The following BCR variants were observed in gnomAD, a reference collection of about 807,000 sequenced individuals.
BCR encodes the protein breakpoint cluster region protein.
BCR carries 58 observed loss-of-function variants against 138.6 expected under a neutral mutation model. The ratio of observed to expected loss-of-function variants is 0.42; its 90% CI spans 0.34 to 0.52. BCR has a LOEUF of 0.52. BCR is among the 20% of genes least tolerant of loss of function. The probability of loss-of-function intolerance (pLI) is 0.06; values close to 1 mark genes in which losing one functional copy is unlikely to be tolerated. For synonymous variants in BCR, 786 were observed against 730.1 expected (o/e 1.08, Z -1.23); for missense variants, 1,599 against 1,727.2 (o/e 0.93, Z 1.32).
intron 17 of BCR, chr22:23,309,967 C>T (rs1395054495): frequency 2.6e-6 from 1 of 382,326 alleles, no homozygotes; most frequent in Non-Finnish European, 4.9e-6. Flanking sequence ...GCACAGTGCA[C>T]CTATAGTCTC....
At chr22:23,282,201 C>T (rs2073654079) in intron 8 of BCR, among the ~76,000 whole-genome samples, 1 of 152,238 alleles carries the variant, frequency 6.6e-6, no homozygotes, top group African/African-American at 2.4e-5. Flanking sequence ...CTGGTCCCCA[C>T]TGCAGACCCA....
intron 14 of BCR, chr22:23,290,656 C>T: frequency 1.9e-6 from 1 of 520,134 alleles, no homozygotes; most frequent in Admixed American, 3.2e-5. Context: ...TGGTGAGCTG[C>T]CCCCTGCAGG....
chr22:23,231,794 C>G (rs140755149), intron 1 of BCR, among the ~76,000 whole-genome samples: 1 of 152,238 alleles, frequency 6.6e-6, no homozygotes, highest in East Asian at 1.9e-4. Context: ...CCCGTGCCTA[C>G]GCCCAACCTT....
intron 1 of BCR, among the ~76,000 whole-genome samples, chr22:23,196,112 T>C (rs763871336): frequency 6.6e-6 from 1 of 152,226 alleles, no homozygotes; most frequent in Non-Finnish European, 1.5e-5. Context: ...TACTCTAAAA[T>C]GTACCATCTC....
intron 16 of BCR, among the ~76,000 whole-genome samples, chr22:23,301,174 C>A (rs1273340256): frequency 2.6e-5 from 4 of 152,252 alleles, no homozygotes; most frequent in African/African-American, 9.6e-5. Flanking sequence ...GGCGCGATGG[C>A]GCATGCCTGT....
At chr22:23,228,628 A>G (rs1002070040) in intron 1 of BCR, among the ~76,000 whole-genome samples, 2 of 152,124 alleles carry the variant, frequency 1.3e-5, no homozygotes, top group African/African-American at 2.4e-5. Flanking sequence ...TTTTCATTGG[A>G]TATAACATTC....
chr22:23,207,722 C>T (rs1194347215), intron 1 of BCR, among the ~76,000 whole-genome samples: 1 of 152,212 alleles, frequency 6.6e-6, no homozygotes, highest in East Asian at 1.9e-4. Context: ...AAGAGCCTAA[C>T]AGCCTGGCCT....
At position 23,252,200 on chromosome 22, in the gene BCR, C is replaced by T. The variant is rs116299674; in HGVS notation, c.1280-1599C>T. ...GTCTATGACTCAGCCAGAAGCTGGG[C>T]CAGACTGGGGGATGGGGGAACCTGT... On this transcript the variant is annotated intron_variant, in intron 1 of 22. Transcript: ENST00000305877. Among the ~76,000 whole-genome samples, 345 of 152,222 alleles carry T rather than the reference C, an allele frequency of 2.3e-3. 2 individuals carry two copies. The highest frequency in any genetic ancestry group is 7.9e-3 in the African/African-American group (329 of 41,536).
intron 1 of BCR, among the ~76,000 whole-genome samples, chr22:23,248,229 A>T (rs1383362847): frequency 6.6e-6 from 1 of 152,078 alleles, no homozygotes; most frequent in African/African-American, 2.4e-5. Context: ...TTGTAATCAC[A>T]GCTACTTGGG....
intron 1 of BCR, among the ~76,000 whole-genome samples, chr22:23,200,558 TA>T (rs992412104): frequency 2.0e-5 from 3 of 151,672 alleles, no homozygotes; most frequent in East Asian, 3.9e-4. Flanking sequence ...TTTTTTTAAT[TA>T]AAAAAAAATT....
At chr22:23,200,324 T>TTATTTATTTA (rs951951791) in intron 1 of BCR, among the ~76,000 whole-genome samples, 4 of 151,966 alleles carry the variant, frequency 2.6e-5, no homozygotes, top group Admixed American at 6.6e-5. Context: ...GGCTTTTTAT[T>TTATTTATTTA]TATTTATTTA....
At chr22:23,239,049 A>G (rs1183477024) in intron 1 of BCR, among the ~76,000 whole-genome samples, 5 of 152,134 alleles carry the variant, frequency 3.3e-5, no homozygotes, top group Non-Finnish European at 7.4e-5. Flanking sequence ...GTCTGTCTCC[A>G]GCGTTGGGCT....
At chr22:23,242,797 CA>C (rs1379787152) in intron 1 of BCR, 2 of 449,002 alleles carry the variant, frequency 4.5e-6, no homozygotes, top group Non-Finnish European at 4.5e-6. Context: ...CTTACAACAA[CA>C]AACATTTATT....
At position 23,317,146 on chromosome 22, in the gene BCR, C is replaced by T. The variant is rs1169184771; in HGVS notation, c.*1624C>T. ...GTCAGTGGGCAGCTCCTGCTGAACC[C>T]GCAGCTCACTAGGGAGCCTGACAGT... is the stretch of plus-strand genomic sequence containing the variant. On this transcript the variant is annotated 3_prime_UTR_variant, in exon 23 of 23. Coordinates refer to ENST00000305877, the MANE Select transcript of BCR (RefSeq NM_004327.4). 4.6e-4 allele frequency: 88 copies of T among 192,370 alleles called. No homozygotes were observed. The East Asian group carries it at 5.7e-3, about 13-fold the overall frequency. 11.9% of individuals were successfully genotyped at this position (192,370 alleles called of 1,614,324 possible). A position where few individuals can be genotyped will look rare whatever the true frequency, so the allele number is the denominator to read the frequency against.
chr22:23,247,540 C>G (rs1234662695), intron 1 of BCR, among the ~76,000 whole-genome samples: 1 of 152,164 alleles, frequency 6.6e-6, no homozygotes, highest in Non-Finnish European at 1.5e-5. Flanking sequence ...AGGGCTTGCT[C>G]CCATCTCACC....
At chr22:23,228,379 C>G (rs962066182) in intron 1 of BCR, among the ~76,000 whole-genome samples, 1 of 152,094 alleles carries the variant, frequency 6.6e-6, no homozygotes, top group African/African-American at 2.4e-5. Flanking sequence ...AGTAATGTTT[C>G]ATTTCTAAGT....
chr22:23,190,229 A>C (rs1294961318), intron 1 of BCR, among the ~76,000 whole-genome samples: 3 of 152,130 alleles, frequency 2.0e-5, no homozygotes, highest in African/African-American at 7.2e-5. Context: ...GTGCAATGGC[A>C]CAGTCTCAGC....
intron 1 of BCR, among the ~76,000 whole-genome samples, chr22:23,215,236 G>A (rs1279539270): frequency 1.3e-5 from 2 of 152,230 alleles, no homozygotes; most frequent in Admixed American, 1.3e-4. Flanking sequence ...ATCCATTGGT[G>A]GATGGACACC....
chr22:23,233,323 C>T (rs914446280), intron 1 of BCR, among the ~76,000 whole-genome samples: 1 of 152,226 alleles, frequency 6.6e-6, no homozygotes, highest in Admixed American at 6.5e-5. Flanking sequence ...AAGCAGCCTG[C>T]GTTGCTTCTC....
Sources: allele counts gnomAD v4.1 joint callset (sites outside exome capture counted in the v4.1 genomes callset), GRCh38; gene constraint gnomAD v4.1.1; transcripts MANE v1.5; gene names NCBI Gene and HGNC (gene_info 2026-07-23, HGNC 2026-07-21).